CNOT1: variants seen among roughly 807,000 people sequenced by gnomAD.
CNOT1 encodes CCR4-NOT transcription complex subunit 1.
Under a neutral mutation model 273.8 loss-of-function variants are expected in CNOT1, and 15 were observed. The ratio of observed to expected loss-of-function variants is 0.05; its 90% CI spans 0.04 to 0.08. CNOT1 has a LOEUF of 0.08. Among genes scored for constraint, CNOT1 ranks in the 10% least tolerant of loss-of-function variants. The probability of loss-of-function intolerance (pLI) is 1.00; values close to 1 mark genes in which losing one functional copy is unlikely to be tolerated. For synonymous variants in CNOT1, 1,022 were observed against 1,005.5 expected (o/e 1.02, Z -0.31); for missense variants, 1,644 against 2,912.2 (o/e 0.56, Z 10.02).
intron 1 of CNOT1, among the ~76,000 whole-genome samples, chr16:58,622,568 GAAT>G (rs930194482): frequency 1.3e-5 from 2 of 152,080 alleles, no homozygotes; most frequent in African/African-American, 4.8e-5. Context: ...TAAAGCTTAA[GAAT>G]ATTATAGGCT....
chr16:58,608,337 T>C (rs1284577262), intron 1 of CNOT1, among the ~76,000 whole-genome samples: 1 of 151,726 alleles, frequency 6.6e-6, no homozygotes, highest in Non-Finnish European at 1.5e-5. Flanking sequence ...GGCAGATAAC[T>C]TTAGGTCATG....
At position 58,550,480 on chromosome 16, in the gene CNOT1, A is replaced by G. The variant is rs146719442; in HGVS notation, c.3343-582T>C. ...CATTTCCACTTAACAGATGGTAAAT[A>G]TATCTTTTCTTCCTTATAATTTTCC... On this transcript the variant is annotated intron_variant, in intron 24 of 48. Coordinates refer to ENST00000317147, the MANE Select transcript of CNOT1 (RefSeq NM_016284.5). Among the ~76,000 whole-genome samples the G allele has an allele frequency of 9.8e-5, 15 of 152,314 alleles. No homozygotes were observed. The East Asian group carries it at 2.9e-3, about 29-fold the overall frequency.
chr16:58,542,849 G>C (rs911441143), intron 31 of CNOT1, among the ~76,000 whole-genome samples: 1 of 152,202 alleles, frequency 6.6e-6, no homozygotes. Flanking sequence ...CCAGCACTTT[G>C]GGAGGCCAAG....
rs1352487849 is a variant in CNOT1, at chr16:58,599,273, T to C, written c.65A>G (p.Lys22Arg). 1.2e-6 allele frequency: 2 copies of C among 1,614,216 alleles called. No homozygotes were observed. Among genetic ancestry groups the C allele is most frequent in the Admixed American group, 3.3e-5 (2 of 60,014 alleles). ...CTGCTGGCTGGCTCGGTAATTTTTC[T>C]TGGTTAAATTGTCCACCAGGTAGCT... Reference protein sequence around the residue: ...QISYLVDNLTKKNYRASQQEI... With the variant: ...QISYLVDNLTRKNYRASQQEI... The change falls in exon 2 of 49, where the codon AAG becomes AGG. Residue 22 changes from lysine to arginine, a missense_variant. Lys to Arg is a conservative substitution (Grantham distance 26, BLOSUM62 2). Transcript: ENST00000317147.
intron 42 of CNOT1, 37 bp downstream of exon 42, chr16:58,531,918 GTTA>G: frequency 6.2e-7 from 1 of 1,609,622 alleles, no homozygotes; most frequent in Non-Finnish European, 8.5e-7. Flanking sequence ...AGCCCAGGTA[GTTA>G]TAGTCTTCAT....
intron 25 of CNOT1, among the ~76,000 whole-genome samples, chr16:58,548,065 AATGAGGATGATAGCC>A (rs1332640396): frequency 6.6e-6 from 1 of 152,198 alleles, no homozygotes; most frequent in Non-Finnish European, 1.5e-5. Context: ...AATTAATTTA[AATGAGGATGATAGCC>A]ATGCTTAAGT....
At position 58,587,232 on chromosome 16, in the gene CNOT1, C is replaced by A; in HGVS notation, c.402G>T (p.Leu134Phe). Reference sequence around the variant, plus strand: ...CTCTAAGATCTGAGCTGGAAGAATTCAACAGGGCAAGGCCAAAAATTACCT... The same window carrying A: ...CTCTAAGATCTGAGCTGGAAGAATTAAACAGGGCAAGGCCAAAAATTACCT... The part of the protein sequence containing the change: ...VQEVIFGLAL[L>F]NSSSSDLRGF... Residue 134 changes from leucine to phenylalanine, a missense_variant, in exon 6 of 49, where the codon TTG (leucine) becomes TTT (phenylalanine). By Grantham distance (22) the Leu-to-Phe change is conservative. Coordinates refer to ENST00000317147, the MANE Select transcript of CNOT1 (RefSeq NM_016284.5). 1 of 1,613,656 alleles carries A rather than the reference C, an allele frequency of 6.2e-7. No homozygotes were observed. Among genetic ancestry groups the A allele is most frequent in the South Asian group, 1.1e-5 (1 of 91,026 alleles).
intron 1 of CNOT1, among the ~76,000 whole-genome samples, chr16:58,601,764 C>T (rs866785017): frequency 6.4e-5 from 5 of 78,180 alleles, no homozygotes; most frequent in East Asian, 4.5e-4. Flanking sequence ...AGCCTGTGCA[C>T]GGTGGCAAAC....
rs187863550 is a variant in CNOT1, at chr16:58,583,696, G to A, written c.807-514C>T. On this transcript the variant is annotated intron_variant, in intron 8 of 48. Coordinates refer to ENST00000317147, the MANE Select transcript of CNOT1 (RefSeq NM_016284.5). ...TGGGATTACAAGCATGCACCACCAC[G>A]CATGGCTAATTTTTGTATTTTTAGT... Among the ~76,000 whole-genome samples, 10 of 152,046 alleles carry A rather than the reference G, an allele frequency of 6.6e-5. No homozygotes were observed. The East Asian group carries it at 1.8e-3, about 27-fold the overall frequency.
At chr16:58,587,972 A>C in intron 3 of CNOT1, 94 bp from the exon 4 acceptor site, 1 of 1,214,512 alleles carries the variant, frequency 8.2e-7, no homozygotes, top group Non-Finnish European at 1.2e-6. Flanking sequence ...GTGATCTAAC[A>C]CTATATACTG....
Position 58,534,180 on chromosome 16 carries a change from G to A in CNOT1, c.5862C>T (p.Thr1954=). ...ALLVKHSGEA[T]NTVTKINLLN... ...GCAGATTAATCTTTGTGACAGTGTT[G>A]GTGGCCTCCCCTGAGTGTTTCACGA... Residue 1954 remains threonine, a synonymous_variant, in exon 40 of 49, where the codon ACC becomes ACT. Transcript: ENST00000317147. 1 of 1,614,164 alleles carries A rather than the reference G, an allele frequency of 6.2e-7. No individual in the cohort carries two copies. Among genetic ancestry groups the A allele is most frequent in the East Asian group, 2.2e-5 (1 of 44,882 alleles).
At chr16:58,562,844 G>A (rs553072411) in intron 16 of CNOT1, among the ~76,000 whole-genome samples, 1 of 152,196 alleles carries the variant, frequency 6.6e-6, no homozygotes, top group African/African-American at 2.4e-5. Flanking sequence ...AAAAGCAGTA[G>A]CAGCCGTACA....
At position 58,578,796 on chromosome 16, in the gene CNOT1, T is replaced by C; in HGVS notation, c.1487A>G (p.His496Arg). The C allele has an allele frequency of 1.2e-6, 2 of 1,614,144 alleles. No homozygotes were observed. Among genetic ancestry groups the C allele is most frequent in the Non-Finnish European group, 1.7e-6 (2 of 1,180,022 alleles). Residue 496 changes from histidine to arginine, a missense_variant, in exon 13 of 49, where the codon CAT becomes CGT. Coordinates refer to ENST00000317147, the MANE Select transcript of CNOT1 (RefSeq NM_016284.5). ...LALLQINTSWHTLRHELISTL... is the reference protein window; with the variant it reads ...LALLQINTSWRTLRHELISTL... ...GGAGATAAGTTCATGGCGCAAGGTATGCCAAGAGGTGTTAATTTGTAGTAA... is the reference window on the plus strand; with the variant it reads ...GGAGATAAGTTCATGGCGCAAGGTACGCCAAGAGGTGTTAATTTGTAGTAA...
At chr16:58,607,096 G>A (rs2042708875) in intron 1 of CNOT1, among the ~76,000 whole-genome samples, 1 of 152,142 alleles carries the variant, frequency 6.6e-6, no homozygotes, top group African/African-American at 2.4e-5. Flanking sequence ...TAAGTGAAAA[G>A]CTGCAGAACT....
chr16:58,618,624 C>T (rs13337650), intron 1 of CNOT1, among the ~76,000 whole-genome samples: 6,561 of 149,944 alleles, frequency 0.044, 461 homozygotes, highest in African/African-American at 0.15. Flanking sequence ...ACACTCCAGC[C>T]TGGGCGACAC....
At position 58,629,347 on chromosome 16, in the gene CNOT1, G is replaced by T. The variant is rs1056331593; in HGVS notation, c.-175+381C>A. ...CAGAGACAGAAACAGTAGTTAAGGA[G>T]GTCGTGGAGGTCTCAGAGGGGTGCA... On this transcript the variant is annotated intron_variant, in intron 1 of 48. Transcript: ENST00000317147. 4.6e-5 allele frequency among the ~76,000 whole-genome samples: 7 copies of T among 152,350 alleles called. No homozygotes were observed. In the East Asian group the frequency reaches 1.4e-3, roughly 29 times the overall value.
At chr16:58,610,828 G>GT (rs1193683191) in intron 1 of CNOT1, among the ~76,000 whole-genome samples, 3 of 151,942 alleles carry the variant, frequency 2.0e-5, no homozygotes, top group African/African-American at 7.3e-5. Flanking sequence ...GGGCAACAGA[G>GT]TGAGACTCCG....
rs1167888097 is a variant in CNOT1 at position 58,596,004 on chromosome 16, G to A, written c.102+3232C>T. On this transcript the variant is annotated intron_variant, in intron 2 of 48. Transcript: ENST00000317147. ...CAGTCTTGTGCTTTTCTTTTGGGAT[G>A]AAGGTACCGCAAATGGGTTGTACAA... Among the ~76,000 whole-genome samples the A allele has an allele frequency of 2.6e-5, 4 of 152,238 alleles. No homozygotes were observed. The South Asian group carries it at 8.3e-4, about 31-fold the overall frequency.
intron 38 of CNOT1, among the ~76,000 whole-genome samples, chr16:58,537,559 A>G (rs2151911220): frequency 6.6e-6 from 1 of 152,326 alleles, no homozygotes; most frequent in East Asian, 1.9e-4. Flanking sequence ...GTTCTTTGAG[A>G]AATTATTTCC....
Sources: allele counts gnomAD v4.1 joint callset (sites outside exome capture counted in the v4.1 genomes callset), GRCh38; gene constraint gnomAD v4.1.1; transcripts MANE v1.5; gene names NCBI Gene and HGNC (gene_info 2026-07-23, HGNC 2026-07-21).